The following HERC1 variants were observed in gnomAD, a reference collection of about 807,000 sequenced individuals.
The protein encoded by HERC1 is probable E3 ubiquitin-protein ligase HERC1.
In HERC1, 160 loss-of-function variants were observed where a neutral mutation model predicts 554.3. The observed-to-expected ratio is 0.29, with a 90% CI of 0.25 to 0.33. HERC1 has a LOEUF of 0.33. Ranked by LOEUF, HERC1 falls within the 10% of genes least tolerant of loss-of-function variation. The probability of loss-of-function intolerance (pLI) is 1.00; values close to 1 mark genes in which losing one functional copy is unlikely to be tolerated. For synonymous variants in HERC1, 2,175 were observed against 2,131.7 expected (o/e 1.02, Z -0.56); for missense variants, 4,919 against 5,918.5 (o/e 0.83, Z 5.54).
chr15:63,664,818 CA>C (rs1019827368), intron 42 of HERC1, among the ~76,000 whole-genome samples: 2 of 152,152 alleles, frequency 1.3e-5, no homozygotes, highest in Admixed American at 1.3e-4. Context: ...CTTCCAACAA[CA>C]AAATGATGTT....
At chr15:63,621,972 A>C (rs1234967428) in intron 74 of HERC1, among the ~76,000 whole-genome samples, 4 of 151,938 alleles carry the variant, frequency 2.6e-5, no homozygotes, top group African/African-American at 9.7e-5. Flanking sequence ...GATCGTCTGA[A>C]GCCTTCTTCT....
Position 63,680,983 on chromosome 15 carries a change from G to T in HERC1, c.6226-207C>A, listed in dbSNP as rs1388122633. 6.6e-6 allele frequency among the ~76,000 whole-genome samples: 1 copy of T among 152,082 alleles called. No individual in the cohort carries two copies. On this transcript the variant is annotated intron_variant, in intron 34 of 77. Transcript: ENST00000443617. This position sits in a 1 kb window ranked among gnomAD's most constrained non-coding sequence, Gnocchi z 5.8. ...CATTCTTTATCTTGCAGGGCATTTA[G>T]AATAACCTTTGAATATCTATAGTAT...
Position 63,692,864 on chromosome 15 carries a change from GCTC to G in HERC1, c.5675-301_5675-299del, listed in dbSNP as rs921541362. On this transcript the variant is annotated intron_variant, in intron 30 of 77. Transcript: ENST00000443617. This position sits in a 1 kb window ranked among gnomAD's most constrained non-coding sequence, Gnocchi z 4.7. ...ACAGAACAGTCTAGGAAGAAGTCGA[GCTC>G]CTCCTAATTATAATCCAGTTCCCAA... is the stretch of plus-strand genomic sequence containing the variant. Among the ~76,000 whole-genome samples the G allele has an allele frequency of 1.3e-5, 2 of 152,098 alleles. No individual in the cohort carries two copies. Among genetic ancestry groups the G allele is most frequent in the African/African-American group, 4.8e-5 (2 of 41,390 alleles).
In HERC1 at chr15:63,747,361, G is replaced by A. The variant is rs1029107287; in HGVS notation, c.2355-278C>T. 3.3e-5 allele frequency among the ~76,000 whole-genome samples: 5 copies of A among 152,036 alleles called. No individual in the cohort carries two copies. In the East Asian group the frequency reaches 7.7e-4, roughly 23 times the overall value. Reference sequence around the variant, plus strand: ...TGTAATCCCAGCTACTCAGAAGGCTGAGGCAAGAGAATCACTTGAACCTGG... The same window carrying A: ...TGTAATCCCAGCTACTCAGAAGGCTAAGGCAAGAGAATCACTTGAACCTGG... On this transcript the variant is annotated intron_variant, in intron 11 of 77. Coordinates refer to ENST00000443617, the MANE Select transcript of HERC1 (RefSeq NM_003922.4).
At chr15:63,613,968 T>C (rs945332128) in intron 76 of HERC1, among the ~76,000 whole-genome samples, 30 of 152,306 alleles carry the variant, frequency 2.0e-4, no homozygotes, top group African/African-American at 7.0e-4. Flanking sequence ...GCTGTTATGC[T>C]TGGTGGAACA....
intron 34 of HERC1, among the ~76,000 whole-genome samples, chr15:63,682,105 G>T (rs544648916): frequency 4.6e-5 from 7 of 152,198 alleles, no homozygotes; most frequent in African/African-American, 1.2e-4. Context: ...TATTGCTGGG[G>T]AAAAAGAAAG....
At position 63,648,062 on chromosome 15, in the gene HERC1, C is replaced by T. The variant is rs2069451360; in HGVS notation, c.10878+7G>A. On this transcript the variant is annotated splice_region_variant and intron_variant, in intron 55 of 77. Transcript: ENST00000443617. ...CATAAAATTACGTTTTTTAAAGATG[C>T]ATTTACCTTATGTGCATCAATTAGA... 1 of 1,551,042 alleles carries T rather than the reference C, an allele frequency of 6.4e-7. No homozygotes were observed. Among genetic ancestry groups the T allele is most frequent in the Non-Finnish European group, 8.7e-7 (1 of 1,145,986 alleles).
chr15:63,778,726 G>A (rs746611134), intron 1 of HERC1, among the ~76,000 whole-genome samples: 2 of 151,996 alleles, frequency 1.3e-5, no homozygotes, highest in African/African-American at 2.4e-5. Flanking sequence ...CCACAAAAAC[G>A]AACATGAGAA....
intron 30 of HERC1, 69 bp downstream of exon 30, chr15:63,693,895 A>C: frequency 6.9e-7 from 1 of 1,445,052 alleles, no homozygotes; most frequent in East Asian, 2.5e-5. Flanking sequence ...TCTACATCCT[A>C]ATCATATGCA....
intron 5 of HERC1, among the ~76,000 whole-genome samples, chr15:63,755,565 G>T (rs1258580947): frequency 6.6e-6 from 1 of 152,172 alleles, no homozygotes. Context: ...GATTGTTTGA[G>T]CTCAGGAGTT....
At chr15:63,645,260 T>G (rs2152857959) in intron 56 of HERC1, among the ~76,000 whole-genome samples, 163 bp from the exon 57 acceptor site, 1 of 152,282 alleles carries the variant, frequency 6.6e-6, no homozygotes, top group African/African-American at 2.4e-5. Context: ...GAGGCCAATA[T>G]TCTAACAACA....
chr15:63,791,366 C>G (rs1036999027), intron 1 of HERC1, among the ~76,000 whole-genome samples: 11 of 152,056 alleles, frequency 7.2e-5, no homozygotes, highest in Non-Finnish European at 1.3e-4. Flanking sequence ...TATATATGTA[C>G]GTATACATAT....
intron 25 of HERC1, among the ~76,000 whole-genome samples, chr15:63,700,133 T>G (rs555491799): frequency 3.3e-5 from 5 of 152,284 alleles, no homozygotes; most frequent in African/African-American, 1.2e-4. Flanking sequence ...AATGTATTCC[T>G]AAGATGAATA....
In HERC1 at chr15:63,645,666, A is replaced by G; in HGVS notation, c.10895T>C (p.Met3632Thr). The G allele has an allele frequency of 1.9e-6, 3 of 1,587,872 alleles. No homozygotes were observed. Among genetic ancestry groups the G allele is most frequent in the South Asian group, 2.3e-5 (2 of 86,334 alleles). Residue 3632 changes from methionine (M) to threonine (T), a missense_variant, in exon 56 of 78, where the codon ATG becomes ACG. By Grantham distance (81) the Met-to-Thr change is moderately conservative (BLOSUM62 -1). Around this residue, in one of 11 missense-constraint regions of HERC1, gnomAD observed 1,963 missense variants for 2,228.6 expected, o/e 0.88. Transcript: ENST00000443617. ...AATATGACCTGTAGGGTCCCACTTC[A>G]TGCTAATAAGAGTATCCTTAAAATG... ...IDAHKDTLISMKWDPTGHILM... is the reference protein window; with the variant it reads ...IDAHKDTLISTKWDPTGHILM...
chr15:63,725,172 T>C lies in HERC1; in HGVS notation c.3568+120A>G, dbSNP rs1255288161. ...CTCCAAGTCATAGCCCCAGATTCCC[T>C]ACACTGCTAATGTTGCAATTGGTGC... On this transcript the variant is annotated intron_variant, in intron 18 of 77. Transcript: ENST00000443617. 3.6e-6 allele frequency: 3 copies of C among 835,936 alleles called. No individual in the cohort carries two copies. In the Admixed American group the frequency reaches 7.7e-5, roughly 21 times the overall value. The allele number at this position is 835,936 out of a possible 1,614,324, so 51.8% of individuals were successfully genotyped here.
In HERC1 at chr15:63,774,768, G is replaced by A. The variant is rs1403707475; in HGVS notation, c.856C>T (p.Leu286=). The change falls in exon 2 of 78, where the codon CTA becomes TTA. Residue 286 remains leucine (L), a synonymous_variant. Transcript: ENST00000443617. ...AVVHTMEKGK[L]LSSQEGMISF... Reference sequence around the variant, plus strand: ...ATCATTCCTTCCTGGCTTGAGAGTAGTTTGCCTTTCTCCATGGTGTGTACA... The same window carrying A: ...ATCATTCCTTCCTGGCTTGAGAGTAATTTGCCTTTCTCCATGGTGTGTACA... 1.2e-6 allele frequency: 2 copies of A among 1,613,844 alleles called. No individual in the cohort carries two copies. Among genetic ancestry groups the A allele is most frequent in the East Asian group, 2.2e-5 (1 of 44,900 alleles).
In HERC1 at chr15:63,674,685, T is replaced by G; in HGVS notation, c.7503A>C (p.Ser2501=). Residue 2501 remains serine, a synonymous_variant, in exon 38 of 78, where the codon TCA becomes TCC. Transcript: ENST00000443617. Reference sequence around the variant, plus strand: ...AGGACAGCTGGACTGCTCTGATTTCTGACTGGGCTACATCATGGTTTTTGG... The same window carrying G: ...AGGACAGCTGGACTGCTCTGATTTCGGACTGGGCTACATCATGGTTTTTGG... The part of the protein sequence containing the change: ...HMSKNHDVAQ[S]EIRAVQLSYL... 1 of 1,613,868 alleles carries G rather than the reference T, an allele frequency of 6.2e-7. No individual in the cohort carries two copies. Among genetic ancestry groups the G allele is most frequent in the Non-Finnish European group, 8.5e-7 (1 of 1,179,772 alleles).
chr15:63,660,500 G>A (rs1476977018), intron 46 of HERC1, among the ~76,000 whole-genome samples: 1 of 152,116 alleles, frequency 6.6e-6, no homozygotes, highest in East Asian at 1.9e-4. Context: ...TAAATAAGTT[G>A]ACAGCAATAG....
chr15:63,827,081 AT>A (rs1369022680), intron 1 of HERC1, among the ~76,000 whole-genome samples: 1 of 151,624 alleles, frequency 6.6e-6, no homozygotes, highest in African/African-American at 2.4e-5. Flanking sequence ...CCATACATAG[AT>A]GAATGGTTGA....
Sources: allele counts gnomAD v4.1 joint callset (sites outside exome capture counted in the v4.1 genomes callset), GRCh38; gene constraint gnomAD v4.1.1; regional missense constraint gnomAD v4.1.1; non-coding constraint Gnocchi (gnomAD v3.1); transcripts MANE v1.5; gene names NCBI Gene and HGNC (gene_info 2026-07-23, HGNC 2026-07-21).